WDPCP: variants seen among roughly 807,000 people sequenced by gnomAD.
WDPCP encodes WD repeat-containing and planar cell polarity effector protein fritz homolog.
Under a neutral mutation model 93.1 loss-of-function variants are expected in WDPCP, and 71 were observed. The observed-to-expected ratio is 0.76, with a 90% CI of 0.63 to 0.93. WDPCP has a LOEUF of 0.93. Ranked by LOEUF, WDPCP falls within the 40% of genes least tolerant of loss-of-function variation. The probability of loss-of-function intolerance (pLI) is 0.00; values close to 1 mark genes in which losing one functional copy is unlikely to be tolerated. For missense variants in WDPCP, 844 were observed against 887.4 expected (o/e 0.95, Z 0.62); for synonymous variants, 315 against 315.0 (o/e 1.00, Z 0.00).
chr2:63,583,509 C>T (rs1708628339), intron 1 of WDPCP, among the ~76,000 whole-genome samples: 1 of 152,032 alleles, frequency 6.6e-6, no homozygotes, highest in South Asian at 2.1e-4. Context: ...GGTGAAAACC[C>T]ATCTCCAATA....
chr2:63,404,685 A>G, intron 9 of WDPCP, 28 bp from the exon 10 acceptor site: 1 of 1,613,142 alleles, frequency 6.2e-7, no homozygotes, highest in Non-Finnish European at 8.5e-7. Context: ...AAGTACATTC[A>G]GATAAACTTT....
At chr2:63,527,110 C>G (rs1703395823) in intron 1 of WDPCP, among the ~76,000 whole-genome samples, 1 of 152,048 alleles carries the variant, frequency 6.6e-6, no homozygotes, top group Admixed American at 6.6e-5. Context: ...CTCTAGAAGT[C>G]TCTCACATTC....
chr2:63,378,983 T>C (rs1196509804), intron 11 of WDPCP, among the ~76,000 whole-genome samples: 1 of 152,138 alleles, frequency 6.6e-6, no homozygotes, highest in Non-Finnish European at 1.5e-5. Context: ...TATATCTCTA[T>C]TGCAATTTTA....
intron 13 of WDPCP, among the ~76,000 whole-genome samples, chr2:63,278,026 C>T (rs1683214811): frequency 6.6e-6 from 1 of 152,138 alleles, no homozygotes; most frequent in African/African-American, 2.4e-5. Context: ...AAACAAGTCT[C>T]ACTAAATTTA....
intron 3 of WDPCP, among the ~76,000 whole-genome samples, chr2:63,642,264 T>C (rs1219484365): frequency 6.6e-6 from 1 of 152,126 alleles, no homozygotes; most frequent in Non-Finnish European, 1.5e-5. Flanking sequence ...TCCAGTTTTG[T>C]TATTTTTGCT....
Position 63,378,345 on chromosome 2 carries a change from GTAAT to G in WDPCP, c.1748+37_1748+40del, listed in dbSNP as rs765754998. ...TTAAAGAGGATGTCTCCTGAAATAA[GTAAT>G]TAGTCTGACGCTAATCAATCCAAAC... On this transcript the variant is annotated intron_variant, in intron 12 of 17. Transcript: ENST00000272321. 38 of 1,611,296 alleles carry G rather than the reference GTAAT, an allele frequency of 2.4e-5. 1 individual carries two copies. The highest frequency in any genetic ancestry group is 3.2e-5 in the Non-Finnish European group (38 of 1,178,618).
In WDPCP at chr2:63,284,774, T is replaced by C. The variant is rs963945619; in HGVS notation, c.1813-25365A>G. On this transcript the variant is annotated intron_variant, in intron 13 of 17. Coordinates refer to ENST00000272321, the MANE Select transcript of WDPCP (RefSeq NM_015910.7). ...AAATGGCACACAATTTAAAATGAAT[T>C]GTTTATTTTTGGAATTTTCTTTTCC... Among the ~76,000 whole-genome samples the C allele has an allele frequency of 2.6e-5, 4 of 152,326 alleles. No homozygotes were observed. The South Asian group carries it at 8.3e-4, about 32-fold the overall frequency.
Position 63,120,320 on chromosome 2 carries a change from C to T in WDPCP, c.*1686G>A, listed in dbSNP as rs954567836. Among the ~76,000 whole-genome samples the T allele has an allele frequency of 1.3e-5, 2 of 151,924 alleles. No individual in the cohort carries two copies. Reference sequence around the variant, plus strand: ...ATGCATTATTAAAATTTTTTCAGAGCAATAACAAAATGAAAAATCTAATTT... The same window carrying T: ...ATGCATTATTAAAATTTTTTCAGAGTAATAACAAAATGAAAAATCTAATTT... On this transcript the variant is annotated 3_prime_UTR_variant, in exon 18 of 18. Transcript: ENST00000272321.
intron 1 of WDPCP, among the ~76,000 whole-genome samples, chr2:63,547,222 T>C (rs1416833059): frequency 6.6e-6 from 1 of 151,592 alleles, no homozygotes; most frequent in African/African-American, 2.4e-5. Flanking sequence ...CCAGTTAGAA[T>C]GGCTATTATC....
chr2:63,605,912 G>C, intron 3 of WDPCP: 1 of 1,568,004 alleles, frequency 6.4e-7, no homozygotes. Flanking sequence ...TAATCATCAT[G>C]AGTATGTGAA....
chr2:63,836,458 T>C, the WDPCP span, among the ~76,000 whole-genome samples: 3 of 152,344 alleles, frequency 2.0e-5, no homozygotes, highest in African/African-American at 7.2e-5. Context: ...ATAAGTAACC[T>C]GAACTTCTAT....
At chr2:63,470,743 C>A (rs1699641480) in intron 6 of WDPCP, among the ~76,000 whole-genome samples, 1 of 152,182 alleles carries the variant, frequency 6.6e-6, no homozygotes, top group Non-Finnish European at 1.5e-5. Flanking sequence ...AAGCCAAGCC[C>A]TCTGGATGAC....
intron 2 of WDPCP, among the ~76,000 whole-genome samples, chr2:63,665,066 C>T (rs1443300290): frequency 6.6e-6 from 1 of 152,160 alleles, no homozygotes; most frequent in Non-Finnish European, 1.5e-5. Flanking sequence ...TGGACAGAAT[C>T]CCTTAGGAGA....
At chr2:63,649,303 CAT>C (rs1399459742) in intron 3 of WDPCP, among the ~76,000 whole-genome samples, 3 of 152,164 alleles carry the variant, frequency 2.0e-5, no homozygotes, top group African/African-American at 7.2e-5. Context: ...AATCATACAA[CAT>C]GTGGTCTTTT....
chr2:63,783,832 AGT>A (rs1007360199), intron 2 of WDPCP, among the ~76,000 whole-genome samples: 52 of 152,244 alleles, frequency 3.4e-4, no homozygotes, highest in African/African-American at 1.2e-3. Context: ...CCATTATTTA[AGT>A]GATGGAGACA....
chr2:63,458,820 C>T (rs1698812429), intron 6 of WDPCP, among the ~76,000 whole-genome samples: 1 of 152,098 alleles, frequency 6.6e-6, no homozygotes, highest in African/African-American at 2.4e-5. Flanking sequence ...CACTACCTGA[C>T]TTCAAAACAT....
chr2:63,274,781 G>A lies in WDPCP; in HGVS notation c.1813-15372C>T, dbSNP rs1421603811. ...AAGAAATAGAAAACCTGAAGAGAGC[G>A]AGTTTTTTCTTCATTAACAAGATTT... On this transcript the variant is annotated intron_variant, in intron 13 of 17. Transcript: ENST00000272321. Among the ~76,000 whole-genome samples the A allele has an allele frequency of 7.2e-5, 11 of 152,032 alleles. 1 individual carries two copies. The highest frequency in any genetic ancestry group is 2.1e-4 in the South Asian group (1 of 4,808).
At chr2:63,341,915 T>C (rs1688867536) in intron 12 of WDPCP, among the ~76,000 whole-genome samples, 1 of 152,208 alleles carries the variant, frequency 6.6e-6, no homozygotes, top group Non-Finnish European at 1.5e-5. Context: ...TTTGAACCTA[T>C]TTGTGTCTTT....
chr2:63,355,672 G>A (rs1358654240), intron 12 of WDPCP, among the ~76,000 whole-genome samples: 1 of 152,108 alleles, frequency 6.6e-6, no homozygotes, highest in Non-Finnish European at 1.5e-5. Context: ...TTGAGGTCAG[G>A]AATTCAAGGC....
Sources: gnomAD v4.1 joint callset for allele counts (sites outside exome capture counted in the v4.1 genomes callset) on GRCh38, gnomAD v4.1.1 for gene constraint, MANE v1.5 for transcripts, NCBI Gene and HGNC (gene_info 2026-07-23, HGNC 2026-07-21) for gene names.